Variants in ZFHX4 observed in about 807,000 individuals in gnomAD.
The protein encoded by ZFHX4 is zinc finger homeobox 4, also known as zinc finger homeobox protein 4.
In ZFHX4, 56 loss-of-function variants were observed where a neutral mutation model predicts 267.6. The ratio of observed to expected loss-of-function variants is 0.21; its 90% CI spans 0.17 to 0.26. The LOEUF (loss-of-function observed/expected upper bound fraction) is 0.26. ZFHX4 is among the 10% of genes least tolerant of loss of function. ZFHX4 has a pLI of 1.00. For missense variants in ZFHX4, 4,332 were observed against 4,420.0 expected (o/e 0.98, Z 0.56); for synonymous variants, 1,778 against 1,665.6 (o/e 1.07, Z -1.64).
At chr8:76,760,662 T>G (rs1809886724) in intron 3 of ZFHX4, among the ~76,000 whole-genome samples, 1 of 151,958 alleles carries the variant, frequency 6.6e-6, no homozygotes, top group African/African-American at 2.4e-5. Flanking sequence ...GTGGGGTGGC[T>G]CACACCTGTA....
At chr8:76,838,268 C>T (rs190519695) in intron 5 of ZFHX4, among the ~76,000 whole-genome samples, 3 of 152,228 alleles carry the variant, frequency 2.0e-5, no homozygotes, top group East Asian at 3.9e-4. Context: ...TCTAGACCTA[C>T]GACATTATAA....
intron 3 of ZFHX4, among the ~76,000 whole-genome samples, chr8:76,748,674 G>T (rs980886452): frequency 1.3e-5 from 2 of 152,088 alleles, no homozygotes; most frequent in African/African-American, 4.8e-5. Flanking sequence ...GGCCTCAAGT[G>T]ATCCTCCTGC....
intron 4 of ZFHX4, among the ~76,000 whole-genome samples, chr8:76,810,143 C>A (rs1449410638): frequency 2.0e-5 from 3 of 152,180 alleles, no homozygotes; most frequent in Non-Finnish European, 2.9e-5. Context: ...TTTCACTGTT[C>A]TGCAAATTCA....
chr8:76,774,934 G>T (rs1467728112), intron 3 of ZFHX4, among the ~76,000 whole-genome samples: 2 of 152,026 alleles, frequency 1.3e-5, no homozygotes, highest in African/African-American at 2.4e-5. Context: ...AGTAATAGTG[G>T]CAGCTAATTT....
Position 76,829,626 on chromosome 8 carries a change from T to A in ZFHX4, c.3326-3712T>A, listed in dbSNP as rs565908082. On this transcript the variant is annotated intron_variant, in intron 4 of 10. Transcript: ENST00000651372. ...GAGTTCAAGACCAGTTTGGTCAACA[T>A]GAAGAAACCCCATCTCTACTAAAAA... is the stretch of plus-strand genomic sequence containing the variant. Among the ~76,000 whole-genome samples the A allele has an allele frequency of 9.9e-5, 15 of 152,152 alleles. 1 individual carries two copies. Among genetic ancestry groups the A allele is most frequent in the Admixed American group, 9.8e-4 (15 of 15,278 alleles).
At chr8:76,791,667 G>T (rs1322997406) in intron 4 of ZFHX4, among the ~76,000 whole-genome samples, 1 of 152,052 alleles carries the variant, frequency 6.6e-6, no homozygotes, top group African/African-American at 2.4e-5. Flanking sequence ...GAGAAAACAG[G>T]ATTTTAATCT....
chr8:76,851,724 A>T lies in ZFHX4; in HGVS notation c.4803A>T (p.Ala1601=). ...ACAAGTGCAGCATCTGCAATGTTGC[A>T]TACAGCCAAAGCTCAACATTGGAAA... The part of the protein sequence containing the change: ...KPYKCSICNV[A]YSQSSTLEIH... The change falls in exon 10 of 11, where the codon GCA becomes GCT. Residue 1601 remains alanine (A), a synonymous_variant. Transcript: ENST00000651372. The T allele has an allele frequency of 6.2e-7, 1 of 1,614,006 alleles. No individual in the cohort carries two copies. Among genetic ancestry groups the T allele is most frequent in the Non-Finnish European group, 8.5e-7 (1 of 1,179,884 alleles).
At chr8:76,825,637 G>A (rs1401580010) in intron 4 of ZFHX4, among the ~76,000 whole-genome samples, 1 of 152,160 alleles carries the variant, frequency 6.6e-6, no homozygotes, top group African/African-American at 2.4e-5. Flanking sequence ...TTCAACACAG[G>A]GGTTATGTTC....
chr8:76,695,970 T>C (rs924754080), intron 1 of ZFHX4, among the ~76,000 whole-genome samples: 1 of 152,200 alleles, frequency 6.6e-6, no homozygotes, highest in Non-Finnish European at 1.5e-5. Flanking sequence ...TTAACTCTTA[T>C]TGCATTGAAG....
chr8:76,711,577 TA>T, intron 3 of ZFHX4, among the ~76,000 whole-genome samples: 1 of 152,348 alleles, frequency 6.6e-6, no homozygotes, highest in Admixed American at 6.5e-5. Context: ...TTACAAATTT[TA>T]GTCAGTTGAT....
At position 76,704,059 on chromosome 8, in the gene ZFHX4, A is replaced by G. The variant is rs1808174640; in HGVS notation, c.-30A>G. 3 of 1,564,956 alleles carry G rather than the reference A, an allele frequency of 1.9e-6. No individual in the cohort carries two copies. Among genetic ancestry groups the G allele is most frequent in the East Asian group, 4.5e-5 (2 of 44,558 alleles). ...TTTATCCAGGTCCCTGACAGGCTGGATGAAATGAGATCCCCATGTAGCAAT... is the reference window on the plus strand; with the variant it reads ...TTTATCCAGGTCCCTGACAGGCTGGGTGAAATGAGATCCCCATGTAGCAAT... On this transcript the variant is annotated 5_prime_UTR_variant, in exon 2 of 11. The change abolishes an upstream ATG in the 5' untranslated region. Coordinates refer to ENST00000651372, the MANE Select transcript of ZFHX4 (RefSeq NM_024721.5).
intron 5 of ZFHX4, among the ~76,000 whole-genome samples, chr8:76,837,930 T>C (rs908098284): frequency 6.6e-6 from 1 of 152,166 alleles, no homozygotes; most frequent in Non-Finnish European, 1.5e-5. Flanking sequence ...AATGCAGCTA[T>C]GATTTTTAAT....
chr8:76,704,481 C>A lies in ZFHX4; in HGVS notation c.393C>A (p.Ile131=), dbSNP rs187480056. The A allele has an allele frequency of 3.7e-6, 6 of 1,613,806 alleles. No homozygotes were observed. In the East Asian group the frequency reaches 1.1e-4, roughly 30 times the overall value. Residue 131 remains isoleucine, a synonymous_variant, in exon 2 of 11, where the codon ATC becomes ATA. Coordinates refer to ENST00000651372, the MANE Select transcript of ZFHX4 (RefSeq NM_024721.5). The part of the protein sequence containing the change: ...DSDVENLTGE[I]VYQPDGSAYI... ...ACGTGGAAAATCTAACAGGGGAGAT[C>A]GTTTACCAGCCTGATGGGTCAGCAT...
Position 76,833,417 on chromosome 8 carries a change from C to A in ZFHX4, c.3394+11C>A. 1.3e-6 allele frequency: 2 copies of A among 1,590,660 alleles called. No homozygotes were observed. The highest frequency in any genetic ancestry group is 2.3e-5 in the East Asian group (1 of 44,328). On this transcript the variant is annotated intron_variant, in intron 5 of 10. Coordinates refer to ENST00000651372, the MANE Select transcript of ZFHX4 (RefSeq NM_024721.5). ...TGAGATCGACCTCAGGTAATGGTTC[C>A]TACTCCTTCTCAAAATATTTCCTTG... is the stretch of plus-strand genomic sequence containing the variant.
intron 3 of ZFHX4, among the ~76,000 whole-genome samples, chr8:76,734,536 A>G (rs767163790): frequency 2.4e-4 from 37 of 152,162 alleles, no homozygotes; most frequent in Non-Finnish European, 4.4e-4. Context: ...AAAATTAATT[A>G]TAATTTTTGC....
intron 4 of ZFHX4, among the ~76,000 whole-genome samples, chr8:76,826,093 G>T: frequency 6.6e-6 from 1 of 152,172 alleles, no homozygotes; most frequent in Admixed American, 6.5e-5. Context: ...TCTGCTCTTG[G>T]TGATGGCCTC....
Position 76,778,296 on chromosome 8 carries a change from A to G in ZFHX4, c.3182A>G (p.Asn1061Ser). 2 of 1,613,846 alleles carry G rather than the reference A, an allele frequency of 1.2e-6. No individual in the cohort carries two copies. Among genetic ancestry groups the G allele is most frequent in the Admixed American group, 1.7e-5 (1 of 60,008 alleles). Reference protein sequence around the residue: ...VCDYTTKVKLNLVQHVRSVKH... With the variant: ...VCDYTTKVKLSLVQHVRSVKH... ...GATTACACCACCAAGGTCAAGTTGAATCTGGTACAACATGTCCGTTCGGTG... is the reference window on the plus strand; with the variant it reads ...GATTACACCACCAAGGTCAAGTTGAGTCTGGTACAACATGTCCGTTCGGTG... Residue 1061 changes from asparagine (N) to serine (S), a missense_variant, in exon 4 of 11, where the codon AAT becomes AGT. This residue lies in a region of ZFHX4 where 1,371 missense variants were observed against 1,423.1 expected (regional missense o/e 0.96). Coordinates refer to ENST00000651372, the MANE Select transcript of ZFHX4 (RefSeq NM_024721.5).
At chr8:76,741,841 C>T (rs1326743001) in intron 3 of ZFHX4, among the ~76,000 whole-genome samples, 1 of 152,140 alleles carries the variant, frequency 6.6e-6, no homozygotes, top group Non-Finnish European at 1.5e-5. Context: ...TTGTGTACTC[C>T]TCCTGTTTCA....
chr8:76,724,106 A>C (rs955644011), intron 3 of ZFHX4, among the ~76,000 whole-genome samples: 6 of 152,112 alleles, frequency 3.9e-5, no homozygotes, highest in Admixed American at 2.6e-4. Context: ...ACAAATCTGA[A>C]ATGAATATAA....
Sources: gnomAD v4.1 joint callset for allele counts (sites outside exome capture counted in the v4.1 genomes callset) on GRCh38, gnomAD v4.1.1 for gene constraint, gnomAD v4.1.1 regional missense constraint, MANE v1.5 for transcripts, NCBI Gene and HGNC (gene_info 2026-07-23, HGNC 2026-07-21) for gene names.